The following TTLL5 variants were observed in gnomAD, a reference collection of about 807,000 sequenced individuals.
TTLL5 encodes tubulin tyrosine ligase like 5.
In TTLL5, 132 loss-of-function variants were observed where a neutral mutation model predicts 168.4. The observed-to-expected ratio is 0.78, with a 90% CI of 0.68 to 0.91. TTLL5 has a LOEUF of 0.91. Ranked by LOEUF, TTLL5 falls within the 40% of genes least tolerant of loss-of-function variation. The probability of loss-of-function intolerance (pLI) is 0.00; values close to 1 mark genes in which losing one functional copy is unlikely to be tolerated. For synonymous variants in TTLL5, 546 were observed against 558.6 expected, an observed-to-expected ratio of 0.98 and a Z score of 0.32; for missense variants, 1,545 against 1,581.5, an observed-to-expected ratio of 0.98 and a Z score of 0.39.
intron 21 of TTLL5, among the ~76,000 whole-genome samples, chr14:75,773,797 G>A (rs916972796): frequency 4.7e-5 from 7 of 150,528 alleles, no homozygotes; most frequent in African/African-American, 1.7e-4. Context: ...GGCTGAGGCA[G>A]GAGAATTGCT....
intron 29 of TTLL5, among the ~76,000 whole-genome samples, chr14:75,880,177 A>C (rs1293878892): frequency 6.6e-6 from 1 of 151,832 alleles, no homozygotes; most frequent in Non-Finnish European, 1.5e-5. Context: ...ACATATATAG[A>C]TATATATGGT....
rs28406079 is a variant in TTLL5, at chr14:75,854,720, T to C, written c.3327-8947T>C. On this transcript the variant is annotated intron_variant, in intron 28 of 31. Coordinates refer to ENST00000298832, the MANE Select transcript of TTLL5 (RefSeq NM_015072.5). ...TTTAGTCATGTTAGTAGATGTAAGA[T>C]GTTAGTTGCATTTCCCTGATGAGTA... Among the ~76,000 whole-genome samples the C allele has an allele frequency of 6.4e-3, 975 of 152,326 alleles. 10 individuals carry two copies. The highest frequency in any genetic ancestry group is 0.023 in the African/African-American group (945 of 41,580).
chr14:75,837,358 A>G (rs1895926062), intron 28 of TTLL5: 1 of 152,224 alleles, frequency 6.6e-6, no homozygotes, highest in East Asian at 1.9e-4. Flanking sequence ...AGAAGCCACA[A>G]TGTCTTTTAT....
intron 31 of TTLL5, among the ~76,000 whole-genome samples, chr14:75,916,989 G>A (rs986234526): frequency 2.0e-5 from 3 of 152,284 alleles, no homozygotes; most frequent in South Asian, 2.1e-4. Context: ...AGTCAGAATC[G>A]GAAAGGTAGA....
At chr14:75,846,034 T>A (rs921878371) in intron 28 of TTLL5, among the ~76,000 whole-genome samples, 1 of 152,218 alleles carries the variant, frequency 6.6e-6, no homozygotes, top group Non-Finnish European at 1.5e-5. Context: ...TTTACCCTAG[T>A]CTATGCATTT....
At chr14:75,727,369 G>A (rs768267833) in intron 12 of TTLL5, among the ~76,000 whole-genome samples, 9 of 152,114 alleles carry the variant, frequency 5.9e-5, no homozygotes, top group Non-Finnish European at 5.9e-5. Context: ...AGAAAGGAAC[G>A]AACTATATTA....
At position 75,895,205 on chromosome 14, in the gene TTLL5, A is replaced by G. The variant is rs565033302; in HGVS notation, c.3741-6937A>G. 4.6e-5 allele frequency among the ~76,000 whole-genome samples: 7 copies of G among 152,364 alleles called. No homozygotes were observed. The South Asian group carries it at 1.4e-3, about 32-fold the overall frequency. On this transcript the variant is annotated intron_variant, in intron 30 of 31. Transcript: ENST00000298832. The stretch of plus-strand genomic sequence containing the variant: ...ACATTTTATATGCAACCCAGCAAAA[A>G]TACTTATCTATATGTATGTGTGTAT...
intron 28 of TTLL5, among the ~76,000 whole-genome samples, chr14:75,827,942 C>CCCA (rs1265815953): frequency 6.6e-6 from 1 of 151,700 alleles, no homozygotes; most frequent in Non-Finnish European, 1.5e-5. Context: ...GTCTTGAACT[C>CCCA]CCAGGCTAAA....
At chr14:75,773,170 A>G (rs780050375) in intron 21 of TTLL5, among the ~76,000 whole-genome samples, 15 of 152,240 alleles carry the variant, frequency 9.9e-5, no homozygotes, top group African/African-American at 1.2e-4. Context: ...AAAGTAGCCA[A>G]TGGAACCCAG....
intron 30 of TTLL5, among the ~76,000 whole-genome samples, chr14:75,894,290 G>C (rs2032546866): frequency 6.6e-6 from 1 of 152,216 alleles, no homozygotes; most frequent in African/African-American, 2.4e-5. Flanking sequence ...AGTGGCTCAT[G>C]CCTGTAATCC....
At position 75,699,247 on chromosome 14, in the gene TTLL5, C is replaced by CG. The variant is rs1886085474; in HGVS notation, c.566dup (p.Val190ArgfsTer23). ...AAAACCAGTGGCATCTTCAAGGGGG[C>CG]GGGGCGTCTACCTGATCAACAATGT... is the stretch of plus-strand genomic sequence containing the variant. On this transcript the variant is annotated frameshift_variant, in exon 7 of 32. Transcript: ENST00000298832. LOFTEE classifies it high-confidence loss of function. The CG allele has an allele frequency of 6.2e-7, 1 of 1,613,818 alleles. No individual in the cohort carries two copies. Among genetic ancestry groups the CG allele is most frequent in the Non-Finnish European group, 8.5e-7 (1 of 1,179,856 alleles).
At chr14:75,749,307 A>G (rs1281813751) in intron 17 of TTLL5, among the ~76,000 whole-genome samples, 2 of 152,174 alleles carry the variant, frequency 1.3e-5, no homozygotes, top group African/African-American at 4.8e-5. Context: ...AATAATCTTG[A>G]GGTCTCTTAA....
chr14:75,680,844 C>G (rs1014603189), intron 3 of TTLL5, among the ~76,000 whole-genome samples: 3 of 152,036 alleles, frequency 2.0e-5, no homozygotes, highest in African/African-American at 7.2e-5. Flanking sequence ...CCAGGCTGGT[C>G]TCGAATTCCT....
chr14:75,783,578 C>A, intron 26 of TTLL5, 48 bp downstream of exon 26: 1 of 1,575,758 alleles, frequency 6.3e-7, no homozygotes, highest in Non-Finnish European at 8.6e-7. Flanking sequence ...TCCTCCCCAG[C>A]CCCAATAAAG....
intron 15 of TTLL5, among the ~76,000 whole-genome samples, chr14:75,744,116 G>T (rs112230550): frequency 6.6e-6 from 1 of 152,146 alleles, no homozygotes; most frequent in Admixed American, 6.5e-5. Context: ...TCTACAAATA[G>T]AGAGAGAGAA....
chr14:75,928,650 G>A (rs1401364046), intron 31 of TTLL5, among the ~76,000 whole-genome samples: 3 of 152,012 alleles, frequency 2.0e-5, no homozygotes, highest in Non-Finnish European at 4.4e-5. Context: ...AGAGAAAGTG[G>A]CATGTGTGTT....
intron 31 of TTLL5, among the ~76,000 whole-genome samples, chr14:75,905,762 C>A (rs2033119287): frequency 6.6e-6 from 1 of 152,142 alleles, no homozygotes; most frequent in Non-Finnish European, 1.5e-5. Context: ...TTCTCTCATG[C>A]TGATTTGATA....
At chr14:75,925,951 G>A (rs2034041614) in intron 31 of TTLL5, among the ~76,000 whole-genome samples, 1 of 151,752 alleles carries the variant, frequency 6.6e-6, no homozygotes, top group African/African-American at 2.4e-5. Flanking sequence ...TTGGCAGGCT[G>A]AGGCAGGAGA....
At chr14:75,947,143 T>C (rs1387129023) in intron 31 of TTLL5, among the ~76,000 whole-genome samples, 1 of 152,192 alleles carries the variant, frequency 6.6e-6, no homozygotes, top group Non-Finnish European at 1.5e-5. Context: ...GGCTGCTATA[T>C]CAGGCAGGGA....
Sources: gnomAD v4.1 joint callset for allele counts (sites outside exome capture counted in the v4.1 genomes callset) on GRCh38, gnomAD v4.1.1 for gene constraint, MANE v1.5 for transcripts, NCBI Gene and HGNC (gene_info 2026-07-23, HGNC 2026-07-21) for gene names.